NEMP2: variants seen among roughly 807,000 people sequenced by gnomAD.
NEMP2 encodes nuclear envelope integral membrane protein 2.
In NEMP2, 53 loss-of-function variants were observed where a neutral mutation model predicts 54.2. The observed-to-expected ratio is 0.98, with a 90% CI of 0.78 to 1.23. The LOEUF (loss-of-function observed/expected upper bound fraction) is 1.23. NEMP2 is among the 50% of genes most tolerant of loss of function. The pLI, the probability that NEMP2 is intolerant of heterozygous loss-of-function variation, is 0.00. For synonymous variants in NEMP2, 197 were observed against 190.3 expected, an observed-to-expected ratio of 1.04 and a Z score of -0.29; for missense variants, 455 against 511.3, an observed-to-expected ratio of 0.89 and a Z score of 1.06.
At chr2:190,544,763 A>G in the NEMP2 span, among the ~76,000 whole-genome samples, 55 of 152,222 alleles carry the variant, frequency 3.6e-4, no homozygotes, top group African/African-American at 1.2e-3. Context: ...TAACTAAGAT[A>G]CAGGAAACTG....
At chr2:190,465,085 T>A in the NEMP2 span, 1 of 213,656 alleles carries the variant, frequency 4.7e-6, no homozygotes, top group Non-Finnish European at 8.1e-6. The surrounding 1 kb of genome is among the most constrained non-coding windows in gnomAD (Gnocchi z 4.6). Context: ...CAAATCAGCT[T>A]AAACTGCTAA....
At chr2:190,565,157 G>A in the NEMP2 span, among the ~76,000 whole-genome samples, 18 of 140,746 alleles carry the variant, frequency 1.3e-4, no homozygotes, top group African/African-American at 4.2e-4. Context: ...GAGGAAATAC[G>A]AATTTTTTTT....
the NEMP2 span, among the ~76,000 whole-genome samples, chr2:190,496,088 T>C: frequency 6.6e-6 from 1 of 151,770 alleles, no homozygotes; most frequent in African/African-American, 2.4e-5. This position sits in a 1 kb window ranked among gnomAD's most constrained non-coding sequence, Gnocchi z 4.7. Context: ...TCAGTCTATA[T>C]ATCCGACAAA....
Position 190,527,672 on chromosome 2 carries a change from G to A in NEMP2, c.98-2294C>T, listed in dbSNP as rs993871557. 1.3e-5 allele frequency among the ~76,000 whole-genome samples: 2 copies of A among 152,118 alleles called. No homozygotes were observed. Among genetic ancestry groups the A allele is most frequent in the African/African-American group, 4.8e-5 (2 of 41,412 alleles). On this transcript the variant is annotated intron_variant, in intron 1 of 8. Transcript: ENST00000409150. The surrounding 1 kb of genome is among the most constrained non-coding windows in gnomAD (Gnocchi z 4.0). Reference sequence around the variant, plus strand: ...AAAGGTCCCCAACCCTGGGGCCAAGGACCAATACCAGTCCATGGTCTGTTA... The same window carrying A: ...AAAGGTCCCCAACCCTGGGGCCAAGAACCAATACCAGTCCATGGTCTGTTA...
the NEMP2 span, among the ~76,000 whole-genome samples, chr2:190,580,810 G>T: frequency 6.6e-6 from 1 of 152,214 alleles, no homozygotes; most frequent in African/African-American, 2.4e-5. The surrounding 1 kb of genome is among the most constrained non-coding windows in gnomAD (Gnocchi z 5.3). Flanking sequence ...GGGAAGGATT[G>T]TAAGAAGGGT....
chr2:190,440,188 A>T, the NEMP2 span, among the ~76,000 whole-genome samples: 1 of 152,216 alleles, frequency 6.6e-6, no homozygotes, highest in African/African-American at 2.4e-5. Flanking sequence ...ATCTAGAGTA[A>T]TAATAAGAAA....
At chr2:190,565,513 T>C in the NEMP2 span, among the ~76,000 whole-genome samples, 1 of 152,174 alleles carries the variant, frequency 6.6e-6, no homozygotes, top group Non-Finnish European at 1.5e-5. Flanking sequence ...GGTTTGTCCT[T>C]GGGACCAATA....
chr2:190,518,740 T>C lies in NEMP2; in HGVS notation c.514A>G (p.Ser172Gly). 6.5e-7 allele frequency: 1 copy of C among 1,540,234 alleles called. No homozygotes were observed. Among genetic ancestry groups the C allele is most frequent in the Non-Finnish European group, 8.7e-7 (1 of 1,143,788 alleles). ...VFLFFYARTL[S>G]QSPTFYYSSG... ...AATATAAAAAGGAATACTTACTGACTCAGGGTCCTTGCATAAAAGAAAAGA... is the reference window on the plus strand; with the variant it reads ...AATATAAAAAGGAATACTTACTGACCCAGGGTCCTTGCATAAAAGAAAAGA... The change falls in exon 4 of 9, where the codon AGT (serine) becomes GGT (glycine). Residue 172 changes from serine to glycine, a missense_variant. By Grantham distance (56) the Ser-to-Gly change is moderately conservative. This residue lies in a region of NEMP2 where 294 missense variants were observed against 333.6 expected (regional missense o/e 0.88). Transcript: ENST00000409150.
chr2:190,437,258 A>G, the NEMP2 span: 1 of 1,614,158 alleles, frequency 6.2e-7, no homozygotes, highest in Non-Finnish European at 8.5e-7. This position sits in a 1 kb window ranked among gnomAD's most constrained non-coding sequence, Gnocchi z 5.9. Flanking sequence ...GAGATCCCGC[A>G]GGTGGAAAGG....
rs1271474807 is a variant in NEMP2, at chr2:190,525,064, A to C, written c.213+199T>G. On this transcript the variant is annotated intron_variant, in intron 2 of 8. Coordinates refer to ENST00000409150, the MANE Select transcript of NEMP2 (RefSeq NM_001142645.2). The surrounding 1 kb of genome is among the most constrained non-coding windows in gnomAD (Gnocchi z 5.0). ...AGTGGCTTGGGAGGGGCTGAGGGAG[A>C]ATATGAAGGAGTTAGTGTCCTCTTC... Among the ~76,000 whole-genome samples the C allele has an allele frequency of 6.6e-6, 1 of 152,160 alleles. No homozygotes were observed. The highest frequency in any genetic ancestry group is 1.5e-5 in the Non-Finnish European group (1 of 68,028).
At chr2:190,500,229 C>T (rs770934125), downstream of NEMP2, 1 of 1,613,888 alleles carries the variant, frequency 6.2e-7, no homozygotes, top group East Asian at 2.2e-5. The surrounding 1 kb of genome is among the most constrained non-coding windows in gnomAD (Gnocchi z 5.3). Context: ...GGGCATCCTG[C>T]TCATCTCACA....
At chr2:190,622,991 G>A in the NEMP2 span, among the ~76,000 whole-genome samples, 1 of 151,928 alleles carries the variant, frequency 6.6e-6, no homozygotes, top group Non-Finnish European at 1.5e-5. Context: ...AAAGTTTCAG[G>A]ATATAAAATC....
the NEMP2 span, among the ~76,000 whole-genome samples, chr2:190,445,907 T>C: frequency 6.6e-6 from 1 of 152,202 alleles, no homozygotes; most frequent in Non-Finnish European, 1.5e-5. Flanking sequence ...AGAGCTGAGA[T>C]TTAAAAACAG....
chr2:190,478,059 C>A, the NEMP2 span, among the ~76,000 whole-genome samples: 2 of 152,138 alleles, frequency 1.3e-5, no homozygotes, highest in Non-Finnish European at 2.9e-5. Context: ...AGCTGCCAAC[C>A]CAGGACATGT....
rs192498355 is a variant in NEMP2 at position 190,530,270 on chromosome 2, C to A, written c.97+4289G>T. ...TCGAATTCTCCAGAGTGGCCTCTGG[C>A]TTTTGAGGTGAAGCTGATGTGGAAT... On this transcript the variant is annotated intron_variant, in intron 1 of 8. Coordinates refer to ENST00000409150, the MANE Select transcript of NEMP2 (RefSeq NM_001142645.2). This position sits in a 1 kb window ranked among gnomAD's most constrained non-coding sequence, Gnocchi z 4.6. Among the ~76,000 whole-genome samples, 1 of 152,300 alleles carries A rather than the reference C, an allele frequency of 6.6e-6. No homozygotes were observed. Among genetic ancestry groups the A allele is most frequent in the African/African-American group, 2.4e-5 (1 of 41,566 alleles).
the NEMP2 span, among the ~76,000 whole-genome samples, chr2:190,430,540 A>G: frequency 6.6e-6 from 1 of 152,060 alleles, no homozygotes; most frequent in Non-Finnish European, 1.5e-5. Context: ...ACAGATCAAC[A>G]GGATCCCAAG....
chr2:190,524,446 G>T (rs1475410553), intron 2 of NEMP2, among the ~76,000 whole-genome samples: 1 of 152,018 alleles, frequency 6.6e-6, no homozygotes, highest in Non-Finnish European at 1.5e-5. Flanking sequence ...TGATTAAAGT[G>T]GTGCATATTA....
At chr2:190,534,410 T>G in intron 1 of NEMP2, 149 bp downstream of exon 1, 1 of 1,214,502 alleles carries the variant, frequency 8.2e-7, no homozygotes, top group Non-Finnish European at 1.0e-6. Flanking sequence ...GGGCGGGGCC[T>G]GCCCGGGAGA....
the NEMP2 span, among the ~76,000 whole-genome samples, chr2:190,647,254 T>C: frequency 6.6e-6 from 1 of 152,234 alleles, no homozygotes; most frequent in African/African-American, 2.4e-5. Context: ...AGAAAAAGAT[T>C]TAACTTTAAT....
Sources: allele counts gnomAD v4.1 joint callset (sites outside exome capture counted in the v4.1 genomes callset), GRCh38; gene constraint gnomAD v4.1.1; regional missense constraint gnomAD v4.1.1; non-coding constraint Gnocchi (gnomAD v3.1); transcripts MANE v1.5; gene names NCBI Gene and HGNC (gene_info 2026-07-23, HGNC 2026-07-21).